The following WDR25 variants were observed in gnomAD, a reference collection of about 807,000 sequenced individuals.
The protein encoded by WDR25 is WD repeat-containing protein 25.
Under a neutral mutation model 47.7 loss-of-function variants are expected in WDR25, and 35 were observed. The ratio of observed to expected loss-of-function variants is 0.73; its 90% CI spans 0.56 to 0.97. WDR25 has a LOEUF of 0.97. Ranked by LOEUF, WDR25 falls within the 50% of genes least tolerant of loss-of-function variation. The pLI is 0.00. For missense variants in WDR25, 634 were observed against 704.7 expected (o/e 0.90, Z 1.14); for synonymous variants, 248 against 278.9 (o/e 0.89, Z 1.10).
intron 3 of WDR25, among the ~76,000 whole-genome samples, chr14:100,483,140 C>G (rs1180780184): frequency 6.6e-6 from 1 of 152,150 alleles, no homozygotes; most frequent in African/African-American, 2.4e-5. Flanking sequence ...AGCCAGTGCT[C>G]TGGGACATGG....
At chr14:100,421,018 TC>T (rs1898011073) in intron 2 of WDR25, among the ~76,000 whole-genome samples, 1 of 152,244 alleles carries the variant, frequency 6.6e-6, no homozygotes, top group African/African-American at 2.4e-5. Flanking sequence ...ACAGTGTATC[TC>T]CTGCATTTGG....
chr14:100,420,311 C>G (rs1327107568), intron 2 of WDR25, among the ~76,000 whole-genome samples: 1 of 150,614 alleles, frequency 6.6e-6, no homozygotes, highest in Non-Finnish European at 1.5e-5. Context: ...CTTGTAAGCA[C>G]ATTTTTTTTT....
rs538535585 is a variant in WDR25, at chr14:100,394,853, C to T, written c.822+13107C>T. ...TTAAAAAATTGGCTGGGTGTGGTGG[C>T]ACATGCCTGTAGTCCCAGCTACTTG... On this transcript the variant is annotated intron_variant, in intron 2 of 6. Coordinates refer to ENST00000402312, the MANE Select transcript of WDR25 (RefSeq NM_001161476.3). Among the ~76,000 whole-genome samples, 4 of 152,262 alleles carry T rather than the reference C, an allele frequency of 2.6e-5. No homozygotes were observed. In the South Asian group the frequency reaches 8.3e-4, roughly 32 times the overall value.
At chr14:100,398,196 G>A (rs761597556) in intron 2 of WDR25, among the ~76,000 whole-genome samples, 17 of 152,148 alleles carry the variant, frequency 1.1e-4, no homozygotes, top group East Asian at 1.9e-4. Flanking sequence ...CATGCTCTTC[G>A]AAGTGCATTC....
At chr14:100,459,032 G>A (rs766325192) in intron 2 of WDR25, among the ~76,000 whole-genome samples, 6 of 152,074 alleles carry the variant, frequency 3.9e-5, no homozygotes, top group Admixed American at 2.6e-4. Flanking sequence ...ATAAAAATAA[G>A]AGCAGAAATA....
chr14:100,466,062 A>G lies in WDR25; in HGVS notation c.823-1959A>G, dbSNP rs144076961. Among the ~76,000 whole-genome samples, 54 of 152,284 alleles carry G rather than the reference A, an allele frequency of 3.5e-4. 1 individual carries two copies. The East Asian group carries it at 8.9e-3, about 25-fold the overall frequency. On this transcript the variant is annotated intron_variant, in intron 2 of 6. Transcript: ENST00000402312. The stretch of plus-strand genomic sequence containing the variant: ...TTTAAATAAAATTAAACTCATATTC[A>G]TACATATTTTTGGAAAACAGCAGTT...
intron 2 of WDR25, among the ~76,000 whole-genome samples, chr14:100,438,992 C>A (rs1170660484): frequency 6.6e-6 from 1 of 152,154 alleles, no homozygotes; most frequent in African/African-American, 2.4e-5. Flanking sequence ...GACCACCTGC[C>A]CACAAAAAAT....
intron 3 of WDR25, among the ~76,000 whole-genome samples, chr14:100,477,297 G>T (rs1432479148): frequency 6.6e-6 from 1 of 152,054 alleles, no homozygotes; most frequent in Non-Finnish European, 1.5e-5. Context: ...TTTTTTATTT[G>T]TATCATTATT....
intron 2 of WDR25, among the ~76,000 whole-genome samples, chr14:100,383,997 A>G (rs1896962993): frequency 6.6e-6 from 1 of 152,208 alleles, no homozygotes; most frequent in South Asian, 2.1e-4. Context: ...GGGTGGGGCC[A>G]GGCGCCGCAG....
At chr14:100,458,661 G>A (rs1899282027) in intron 2 of WDR25, among the ~76,000 whole-genome samples, 2 of 151,844 alleles carry the variant, frequency 1.3e-5, no homozygotes, top group Admixed American at 1.3e-4. Context: ...TATAAAACAA[G>A]TCTCAGTGTA....
At chr14:100,412,321 T>C (rs989774690) in intron 2 of WDR25, among the ~76,000 whole-genome samples, 5 of 152,038 alleles carry the variant, frequency 3.3e-5, no homozygotes, top group Non-Finnish European at 5.9e-5. Context: ...GCACGGAAAG[T>C]GCTGAGGGCA....
intron 2 of WDR25, among the ~76,000 whole-genome samples, chr14:100,400,559 T>C (rs1446120144): frequency 6.6e-6 from 1 of 152,266 alleles, no homozygotes; most frequent in Non-Finnish European, 1.5e-5. Context: ...TAAGCCCTTA[T>C]TACTGTGCTT....
intron 1 of WDR25, among the ~76,000 whole-genome samples, chr14:100,378,349 A>G (rs1896782980): frequency 6.6e-6 from 1 of 151,888 alleles, no homozygotes; most frequent in South Asian, 2.1e-4. Flanking sequence ...TTTGTATTTT[A>G]GTAGAGACAG....
At chr14:100,417,666 G>A (rs1403531033) in intron 2 of WDR25, among the ~76,000 whole-genome samples, 2 of 152,224 alleles carry the variant, frequency 1.3e-5, no homozygotes, top group African/African-American at 4.8e-5. Flanking sequence ...GTCTCTGCCA[G>A]TGAGGCTCTG....
At chr14:100,467,105 G>A (rs1899656593) in intron 2 of WDR25, among the ~76,000 whole-genome samples, 1 of 152,240 alleles carries the variant, frequency 6.6e-6, no homozygotes, top group African/African-American at 2.4e-5. Flanking sequence ...AGCATGGGAA[G>A]GAGGGAAAGC....
chr14:100,381,849 T>C, intron 2 of WDR25, 103 bp downstream of exon 2: 1 of 937,576 alleles, frequency 1.1e-6, no homozygotes, highest in Non-Finnish European at 1.6e-6. Context: ...TTTTTTTGTG[T>C]GCAGATTTCT....
chr14:100,391,075 C>A (rs369939266), intron 2 of WDR25, among the ~76,000 whole-genome samples: 1 of 152,142 alleles, frequency 6.6e-6, no homozygotes, highest in Non-Finnish European at 1.5e-5. Flanking sequence ...CTCTTCCCCC[C>A]CAGGGTGTTG....
intron 2 of WDR25, among the ~76,000 whole-genome samples, chr14:100,450,954 G>A (rs1358324659): frequency 6.6e-6 from 1 of 152,198 alleles, no homozygotes; most frequent in East Asian, 1.9e-4. Context: ...AAGCAGCTCA[G>A]GCTTTAGACC....
At chr14:100,517,104 C>CTTT (rs1566945327) in intron 4 of WDR25, among the ~76,000 whole-genome samples, 2 of 112,764 alleles carry the variant, frequency 1.8e-5, no homozygotes, top group African/African-American at 7.8e-5. Flanking sequence ...CATATCTCCT[C>CTTT]TGTTTTTTTT....
Sources: allele counts gnomAD v4.1 joint callset (sites outside exome capture counted in the v4.1 genomes callset), GRCh38; gene constraint gnomAD v4.1.1; transcripts MANE v1.5; gene names NCBI Gene and HGNC (gene_info 2026-07-23, HGNC 2026-07-21).